The following KCNH7 variants were observed in gnomAD, a reference collection of about 807,000 sequenced individuals.
The protein encoded by KCNH7 is voltage-gated inwardly rectifying potassium channel KCNH7.
In KCNH7, 49 loss-of-function variants were observed where a neutral mutation model predicts 120.8. That is an observed-to-expected ratio of 0.41 (90% confidence interval 0.32 to 0.51). The LOEUF is 0.51. Among genes scored for constraint, KCNH7 ranks in the 20% least tolerant of loss-of-function variants. KCNH7 has a pLI of 0.38. For synonymous variants in KCNH7, 547 were observed against 516.1 expected (o/e 1.06, Z -0.81); for missense variants, 1,097 against 1,446.6 (o/e 0.76, Z 3.92).
chr2:162,434,456 C>G (rs1387306800), intron 8 of KCNH7, among the ~76,000 whole-genome samples: 1 of 152,064 alleles, frequency 6.6e-6, no homozygotes, highest in Non-Finnish European at 1.5e-5. Context: ...TATGCTTTTG[C>G]TGATTGCTGC....
chr2:162,406,846 G>A (rs1317998661), intron 9 of KCNH7, among the ~76,000 whole-genome samples: 2 of 151,926 alleles, frequency 1.3e-5, no homozygotes, highest in Non-Finnish European at 2.9e-5. Flanking sequence ...TTTCTAGGTC[G>A]TTTAAGATCA....
At chr2:162,526,486 C>T (rs1230070947) in intron 3 of KCNH7, among the ~76,000 whole-genome samples, 1 of 151,300 alleles carries the variant, frequency 6.6e-6, no homozygotes, top group Non-Finnish European at 1.5e-5. Flanking sequence ...AAAGACGCCG[C>T]CCCCCCGAAG....
At chr2:162,399,167 CA>C (rs977033303) in intron 10 of KCNH7, among the ~76,000 whole-genome samples, 21 of 151,706 alleles carry the variant, frequency 1.4e-4, no homozygotes, top group African/African-American at 4.8e-4. Flanking sequence ...CAAATTTTTA[CA>C]GAAACTAAGG....
chr2:162,830,369 A>G (rs1368137626), intron 2 of KCNH7, among the ~76,000 whole-genome samples: 1 of 152,204 alleles, frequency 6.6e-6, no homozygotes, highest in Non-Finnish European at 1.5e-5. Context: ...AGGTGGCAAT[A>G]TATTCAACTA....
intron 2 of KCNH7, among the ~76,000 whole-genome samples, chr2:162,752,635 A>T (rs1374025253): frequency 2.6e-5 from 4 of 152,026 alleles, no homozygotes; most frequent in Middle Eastern, 3.2e-3. Context: ...GCAGTGGCTC[A>T]CGTCTGTAAT....
chr2:162,661,474 C>A (rs142185757), intron 2 of KCNH7, among the ~76,000 whole-genome samples: 2 of 151,798 alleles, frequency 1.3e-5, no homozygotes, highest in Non-Finnish European at 2.9e-5. Context: ...TTTTTGAGAG[C>A]GTTATTTATA....
At chr2:162,573,198 T>A (rs928905689) in intron 2 of KCNH7, among the ~76,000 whole-genome samples, 1 of 151,856 alleles carries the variant, frequency 6.6e-6, no homozygotes, top group Non-Finnish European at 1.5e-5. Flanking sequence ...AAAATGTAAA[T>A]AGGATCATGT....
chr2:162,606,003 T>C (rs1332985972), intron 2 of KCNH7, among the ~76,000 whole-genome samples: 1 of 152,084 alleles, frequency 6.6e-6, no homozygotes, highest in East Asian at 1.9e-4. Context: ...GTTAGTATAT[T>C]AGGGGGATGT....
chr2:162,660,412 ATC>A (rs1684918007), intron 2 of KCNH7, among the ~76,000 whole-genome samples: 1 of 152,074 alleles, frequency 6.6e-6, no homozygotes. Context: ...GTACTTGAGG[ATC>A]TTTCAGTTAT....
chr2:162,736,014 T>C (rs947705765), intron 2 of KCNH7, among the ~76,000 whole-genome samples: 3 of 152,192 alleles, frequency 2.0e-5, no homozygotes, highest in East Asian at 1.9e-4. Context: ...ATGGACAGTT[T>C]AGGTAATGTC....
At chr2:162,548,571 G>A (rs886264496) in intron 2 of KCNH7, among the ~76,000 whole-genome samples, 1 of 152,036 alleles carries the variant, frequency 6.6e-6, no homozygotes, top group South Asian at 2.1e-4. Flanking sequence ...GGATGAGGAT[G>A]ATGTGATTTG....
chr2:162,824,977 T>TA (rs1363910777), intron 2 of KCNH7, among the ~76,000 whole-genome samples: 2 of 151,958 alleles, frequency 1.3e-5, no homozygotes, highest in African/African-American at 2.4e-5. Flanking sequence ...AGATAATAAA[T>TA]AAGAAATATT....
intron 2 of KCNH7, among the ~76,000 whole-genome samples, chr2:162,718,436 A>G (rs183649277): frequency 4.5e-4 from 68 of 152,166 alleles, no homozygotes; most frequent in Admixed American, 2.6e-3. Flanking sequence ...AATGTGTTTT[A>G]TCTCTTTGAG....
chr2:162,505,338 T>C (rs896986649), intron 5 of KCNH7, among the ~76,000 whole-genome samples: 1 of 151,760 alleles, frequency 6.6e-6, no homozygotes, highest in African/African-American at 2.4e-5. Flanking sequence ...TATGTTTAAG[T>C]CTTGACCACT....
intron 2 of KCNH7, among the ~76,000 whole-genome samples, chr2:162,836,202 G>C (rs567147969): frequency 6.6e-6 from 1 of 152,158 alleles, no homozygotes; most frequent in African/African-American, 2.4e-5. Flanking sequence ...TGTATTTCTC[G>C]CCTACCAAAT....
At chr2:162,569,259 A>T (rs1231825478) in intron 2 of KCNH7, among the ~76,000 whole-genome samples, 1 of 151,828 alleles carries the variant, frequency 6.6e-6, no homozygotes, top group East Asian at 1.9e-4. Flanking sequence ...TAGTCTTGGG[A>T]GAGTGTATGT....
At chr2:162,417,081 T>C (rs1015611074) in intron 9 of KCNH7, among the ~76,000 whole-genome samples, 1 of 152,210 alleles carries the variant, frequency 6.6e-6, no homozygotes, top group Non-Finnish European at 1.5e-5. Context: ...ACAATGATTA[T>C]GAAATATGAC....
chr2:162,703,710 C>A (rs1686595264), intron 2 of KCNH7, among the ~76,000 whole-genome samples: 1 of 152,100 alleles, frequency 6.6e-6, no homozygotes, highest in Non-Finnish European at 1.5e-5. Flanking sequence ...TAAAATTTAA[C>A]TACTTCACAA....
intron 6 of KCNH7, among the ~76,000 whole-genome samples, chr2:162,453,355 G>A (rs1400901580): frequency 6.6e-6 from 1 of 152,118 alleles, no homozygotes; most frequent in Admixed American, 6.6e-5. Flanking sequence ...TCTTTATCCA[G>A]TCTATCATTG....
Sources: allele counts gnomAD v4.1 joint callset (sites outside exome capture counted in the v4.1 genomes callset), GRCh38; gene constraint gnomAD v4.1.1; transcripts MANE v1.5; gene names NCBI Gene and HGNC (gene_info 2026-07-23, HGNC 2026-07-21).